The following CARF variants were observed in gnomAD, a reference collection of about 807,000 sequenced individuals.
The protein encoded by CARF is calcium-responsive transcription factor.
Under a neutral mutation model 82.0 loss-of-function variants are expected in CARF, and 57 were observed. The ratio of observed to expected loss-of-function variants is 0.70; its 90% CI spans 0.56 to 0.87. The LOEUF is 0.87. Ranked by LOEUF, CARF falls within the 40% of genes least tolerant of loss-of-function variation. CARF has a pLI of 0.00. For synonymous variants in CARF, 268 were observed against 290.1 expected (o/e 0.92, Z 0.77); for missense variants, 771 against 855.8 (o/e 0.90, Z 1.24).
Position 202,961,297 on chromosome 2 carries a change from A to G in CARF, c.703A>G (p.Thr235Ala). 1 of 1,614,184 alleles carries G rather than the reference A, an allele frequency of 6.2e-7. No homozygotes were observed. Among genetic ancestry groups the G allele is most frequent in the Non-Finnish European group, 8.5e-7 (1 of 1,180,008 alleles). ...VSETELESVL[T>A]FHKQQTQSVW... is the part of the protein sequence containing the mutation. Reference sequence around the variant, plus strand: ...TGAGACTGAATTAGAAAGTGTCCTAACATTTCACAAGCAGCAAACACAGAG... The same window carrying G: ...TGAGACTGAATTAGAAAGTGTCCTAGCATTTCACAAGCAGCAAACACAGAG... The change falls in exon 9 of 17, where the codon ACA becomes GCA. Residue 235 changes from threonine to alanine, a missense_variant. Coordinates refer to ENST00000438828, the MANE Select transcript of CARF (RefSeq NM_024744.17).
At chr2:202,960,848 C>G (rs1442109019) in intron 8 of CARF, among the ~76,000 whole-genome samples, 1 of 150,408 alleles carries the variant, frequency 6.6e-6, no homozygotes, top group Admixed American at 6.7e-5. Flanking sequence ...CAAAAAAAAT[C>G]AGTTTCAGTA....
At chr2:202,947,474 C>CG (rs1389089477) in intron 5 of CARF, among the ~76,000 whole-genome samples, 24 of 151,514 alleles carry the variant, frequency 1.6e-4, no homozygotes, top group Non-Finnish European at 2.9e-4. Flanking sequence ...CAGGGCCTGT[C>CG]GGGGGGGTAG....
At chr2:202,976,130 G>A (rs905432808) in intron 13 of CARF, among the ~76,000 whole-genome samples, 2 of 151,834 alleles carry the variant, frequency 1.3e-5, no homozygotes, top group Admixed American at 6.6e-5. Flanking sequence ...ATTGCCCAAA[G>A]TGATAATGTT....
chr2:202,928,122 C>T (rs1692208039), intron 3 of CARF, among the ~76,000 whole-genome samples: 1 of 152,104 alleles, frequency 6.6e-6, no homozygotes, highest in Non-Finnish European at 1.5e-5. Context: ...TTGGCTGTTC[C>T]CTTCCCTACC....
intron 1 of CARF, among the ~76,000 whole-genome samples, chr2:202,914,003 C>T (rs963574425): frequency 3.3e-5 from 5 of 152,214 alleles, no homozygotes; most frequent in African/African-American, 1.2e-4. Context: ...TTAGTTTTAG[C>T]ATTCAACATA....
At chr2:202,964,914 T>C (rs1025600933) in intron 9 of CARF, among the ~76,000 whole-genome samples, 4 of 147,692 alleles carry the variant, frequency 2.7e-5, no homozygotes, top group Admixed American at 1.4e-4. Context: ...CACACACACA[T>C]ACATATATGA....
chr2:202,972,896 T>A (rs576069156), intron 12 of CARF, among the ~76,000 whole-genome samples: 105 of 152,270 alleles, frequency 6.9e-4, no homozygotes, highest in African/African-American at 2.4e-3. Context: ...CAGCAGGTCC[T>A]TGAGTTATAT....
intron 3 of CARF, among the ~76,000 whole-genome samples, chr2:202,941,386 A>G (rs1018235265): frequency 6.6e-6 from 1 of 152,086 alleles, no homozygotes; most frequent in Non-Finnish European, 1.5e-5. Context: ...TGTCAAACTA[A>G]TGTTAAGTGG....
chr2:202,969,390 A>C (rs1007866552), intron 10 of CARF, among the ~76,000 whole-genome samples: 2 of 152,006 alleles, frequency 1.3e-5, no homozygotes, highest in African/African-American at 2.4e-5. Context: ...AGCCTGACCA[A>C]CATGGAAAAA....
At position 202,983,640 on chromosome 2, in the gene CARF, C is replaced by T. The variant is rs1362080883; in HGVS notation, c.*16C>T. The T allele has an allele frequency of 1.4e-6, 2 of 1,441,606 alleles. No individual in the cohort carries two copies. The highest frequency in any genetic ancestry group is 2.4e-5 in the South Asian group (2 of 85,052). The allele number at this position is 1,441,606 out of a possible 1,614,324, so 89.3% of individuals were successfully genotyped here. On this transcript the variant is annotated 3_prime_UTR_variant, in exon 17 of 17. Coordinates refer to ENST00000438828, the MANE Select transcript of CARF (RefSeq NM_024744.17). ...TGCTACATAAATTATTGAAGCTTTT[C>T]AGAATTTACAACTCTGGTGACTTCT...
At chr2:202,974,039 G>GA (rs1443213920) in intron 12 of CARF, among the ~76,000 whole-genome samples, 1 of 151,748 alleles carries the variant, frequency 6.6e-6, no homozygotes. Context: ...AGTGAGCCGA[G>GA]ATCACACCAC....
chr2:202,950,733 G>A (rs2058716913), intron 5 of CARF, among the ~76,000 whole-genome samples: 1 of 152,090 alleles, frequency 6.6e-6, no homozygotes, highest in Non-Finnish European at 1.5e-5. Flanking sequence ...GTATATACTT[G>A]AGATACACGT....
At chr2:202,926,442 T>C (rs1295881822) in intron 3 of CARF, among the ~76,000 whole-genome samples, 2 of 152,226 alleles carry the variant, frequency 1.3e-5, no homozygotes, top group African/African-American at 2.4e-5. Context: ...GATTGTCTAT[T>C]CTGTCCATTG....
intron 3 of CARF, among the ~76,000 whole-genome samples, chr2:202,926,796 C>T (rs1346471988): frequency 6.6e-6 from 1 of 152,062 alleles, no homozygotes; most frequent in Non-Finnish European, 1.5e-5. Context: ...ATACATATAT[C>T]TTGCATATCT....
intron 8 of CARF, among the ~76,000 whole-genome samples, chr2:202,959,015 G>A (rs1015629618): frequency 1.2e-4 from 18 of 150,832 alleles, no homozygotes; most frequent in African/African-American, 3.9e-4. Flanking sequence ...ATTTAATGAT[G>A]TTTTACTATA....
At chr2:202,931,793 T>C (rs1692986074) in intron 3 of CARF, among the ~76,000 whole-genome samples, 1 of 151,440 alleles carries the variant, frequency 6.6e-6, no homozygotes, top group African/African-American at 2.5e-5. Context: ...CTCATTCTAA[T>C]TTTCTCCCCA....
rs2060462848 is a variant in CARF at position 202,986,891 on chromosome 2, T to TATATATACATATATATATATATATAC, written c.*3274_*3275insCATATATATATATATATACATATATA. ...GCGTATATATATATATATATATATATATATATATATATATATAGCAACTTG... is the reference window on the plus strand; with the variant it reads ...GCGTATATATATATATATATATATATATATATACATATATATATATATATACATATATATATATATATAGCAACTTG... On this transcript the variant is annotated 3_prime_UTR_variant, in exon 17 of 17. Transcript: ENST00000438828. The TATATATACATATATATATATATATAC allele has an allele frequency of 1.2e-5, 1 of 82,956 alleles. No homozygotes were observed. Among genetic ancestry groups the TATATATACATATATATATATATATAC allele is most frequent in the Admixed American group, 1.3e-4 (1 of 7,962 alleles). The allele number at this position is 82,956 out of a possible 1,614,324, so 5.1% of individuals were successfully genotyped here. A position where few individuals can be genotyped will look rare whatever the true frequency, so the allele number is the denominator to read the frequency against.
intron 10 of CARF, among the ~76,000 whole-genome samples, chr2:202,967,584 A>T (rs1559261759): frequency 1.3e-5 from 2 of 152,138 alleles, no homozygotes; most frequent in Admixed American, 6.5e-5. Flanking sequence ...TAAAAGTACT[A>T]TTTTTTAATA....
In CARF at chr2:202,982,009, T is replaced by A. The variant is rs2060281947; in HGVS notation, c.1690-63T>A. On this transcript the variant is annotated intron_variant, in intron 15 of 16. Transcript: ENST00000438828. ...GATTTTTTGTCAAAAGAATTGTATA[T>A]CCTATGAGAATATCATACATAGGAA... is the stretch of plus-strand genomic sequence containing the variant. 9 of 1,515,394 alleles carry A rather than the reference T, an allele frequency of 5.9e-6. No individual in the cohort carries two copies. The Admixed American group carries it at 1.9e-4, about 32-fold the overall frequency. 93.9% of individuals were successfully genotyped at this position (1,515,394 alleles called of 1,614,324 possible).
Sources: allele counts gnomAD v4.1 joint callset (sites outside exome capture counted in the v4.1 genomes callset), GRCh38; gene constraint gnomAD v4.1.1; transcripts MANE v1.5; gene names NCBI Gene and HGNC (gene_info 2026-07-23, HGNC 2026-07-21).